LY75: variants seen among roughly 807,000 people sequenced by gnomAD.
The protein encoded by LY75 is C-type lectin domain family 13 member B.
Under a neutral mutation model 231.7 loss-of-function variants are expected in LY75, and 185 were observed. The ratio of observed to expected loss-of-function variants is 0.80; its 90% CI spans 0.71 to 0.90. The LOEUF is 0.90. LY75 is among the 40% of genes least tolerant of loss of function. The pLI, the probability that LY75 is intolerant of heterozygous loss-of-function variation, is 0.00. For missense variants in LY75, 1,947 were observed against 2,050.2 expected (o/e 0.95, Z 0.97); for synonymous variants, 668 against 689.0 (o/e 0.97, Z 0.48).
At chr2:159,855,570 C>T (rs768705547) in intron 16 of LY75, among the ~76,000 whole-genome samples, 7 of 152,120 alleles carry the variant, frequency 4.6e-5, no homozygotes, top group East Asian at 1.9e-4. Context: ...GGAAGCTGGG[C>T]GGGTCAGTGT....
intron 23 of LY75, among the ~76,000 whole-genome samples, chr2:159,842,743 C>T (rs1684077028): frequency 6.6e-6 from 1 of 152,004 alleles, no homozygotes; most frequent in Admixed American, 6.6e-5. Flanking sequence ...TACCACATAA[C>T]AGAATATACC....
Position 159,878,487 on chromosome 2 carries a change from C to T in LY75, c.1611G>A (p.Glu537=), listed in dbSNP as rs1288692184. The T allele has an allele frequency of 1.2e-6, 2 of 1,613,776 alleles. No individual in the cohort carries two copies. The highest frequency in any genetic ancestry group is 1.7e-6 in the Non-Finnish European group (2 of 1,179,892). The part of the protein sequence containing the change: ...NCNLTITSRF[E]QEYLNDLMKK... ...TCATCAAATCATTTAGGTATTCTTG[C>T]TCAAATCTACAAAAGGAGAATCAAA... is the stretch of plus-strand genomic sequence containing the variant. The change falls in exon 11 of 35, where the codon GAG becomes GAA. Residue 537 remains glutamate, a synonymous_variant. Coordinates refer to ENST00000263636, the MANE Select transcript of LY75 (RefSeq NM_002349.4).
rs182823517 is a variant in LY75 at position 159,841,747 on chromosome 2, T to C, written c.3280+498A>G. Among the ~76,000 whole-genome samples, 139 of 152,160 alleles carry C rather than the reference T, an allele frequency of 9.1e-4. 1 individual carries two copies. The highest frequency in any genetic ancestry group is 1.8e-3 in the Admixed American group (27 of 15,278). On this transcript the variant is annotated intron_variant, in intron 24 of 34. Coordinates refer to ENST00000263636, the MANE Select transcript of LY75 (RefSeq NM_002349.4). ...GTGGACTTAATACTCAATACTGCAC[T>C]CAATTAAAAATATGAAGTTTTTTTC...
chr2:159,870,674 CTTT>C (rs34789684), intron 13 of LY75, among the ~76,000 whole-genome samples: 10 of 141,592 alleles, frequency 7.1e-5, no homozygotes, highest in Non-Finnish European at 7.6e-5. Flanking sequence ...CCAGCTAATT[CTTT>C]TTTTTTTTTT....
Position 159,872,508 on chromosome 2 carries a change from C to A in LY75, c.2060G>T (p.Ser687Ile). The A allele has an allele frequency of 6.2e-7, 1 of 1,614,002 alleles. No individual in the cohort carries two copies. Among genetic ancestry groups the A allele is most frequent in the Non-Finnish European group, 8.5e-7 (1 of 1,179,938 alleles). The change falls in exon 13 of 35, where the codon AGC becomes ATC. Residue 687 changes from serine to isoleucine, a missense_variant. Transcript: ENST00000263636. Reference sequence around the variant, plus strand: ...CTTTATTTCATCCACATGGCTGAAGCTAGAAAGGTGTGCTCCAAGGGCTTG... The same window carrying A: ...CTTTATTTCATCCACATGGCTGAAGATAGAAAGGTGTGCTCCAAGGGCTTG... ...FCQALGAHLS[S>I]FSHVDEIKEF... is the part of the protein sequence containing the mutation.
chr2:159,849,338 G>A (rs1399231749), intron 23 of LY75, among the ~76,000 whole-genome samples: 3 of 152,110 alleles, frequency 2.0e-5, no homozygotes, highest in East Asian at 1.9e-4. Context: ...TAATACTGTG[G>A]TGTCAGCATA....
chr2:159,842,210 T>A, intron 24 of LY75, 35 bp downstream of exon 24: 2 of 1,593,022 alleles, frequency 1.3e-6, no homozygotes, highest in Non-Finnish European at 1.7e-6. Flanking sequence ...TGTAATAGCA[T>A]AAAGTACCAT....
At chr2:159,833,788 G>A (rs950665084) in intron 27 of LY75, among the ~76,000 whole-genome samples, 7 of 152,112 alleles carry the variant, frequency 4.6e-5, no homozygotes, top group Non-Finnish European at 8.8e-5. Flanking sequence ...TTGAGGGTGG[G>A]TTTTTCCCGT....
At chr2:159,840,542 A>C (rs925425770) in intron 25 of LY75, among the ~76,000 whole-genome samples, 187 bp downstream of exon 25, 2 of 152,210 alleles carry the variant, frequency 1.3e-5, no homozygotes, top group African/African-American at 2.4e-5. Context: ...ACTGTACTCC[A>C]GCCTGGGTGA....
chr2:159,875,312 G>A (rs925562068), intron 12 of LY75, 132 bp downstream of exon 12: 49 of 1,270,110 alleles, frequency 3.9e-5, no homozygotes, highest in Non-Finnish European at 4.9e-5. Flanking sequence ...GCCCTGCCAA[G>A]GACTCTGTGC....
At chr2:159,866,255 G>A (rs1365605032) in intron 13 of LY75, among the ~76,000 whole-genome samples, 1 of 151,952 alleles carries the variant, frequency 6.6e-6, no homozygotes, top group African/African-American at 2.4e-5. Flanking sequence ...GTGAATCAAA[G>A]GCTGAAACAA....
At chr2:159,859,021 G>A (rs1293899931) in intron 15 of LY75, among the ~76,000 whole-genome samples, 1 of 152,216 alleles carries the variant, frequency 6.6e-6, no homozygotes, top group Non-Finnish European at 1.5e-5. Flanking sequence ...TCTGTGGCAG[G>A]TGAGGTAAGA....
intron 14 of LY75, among the ~76,000 whole-genome samples, chr2:159,861,487 C>T (rs1684697215): frequency 6.6e-6 from 1 of 152,224 alleles, no homozygotes; most frequent in Admixed American, 6.5e-5. Context: ...GTGACTCATG[C>T]TGGTAATCCC....
chr2:159,877,009 C>CAAAAAAAAAAAAAAAAAAAA (rs58831835), intron 11 of LY75, among the ~76,000 whole-genome samples: 2 of 90,544 alleles, frequency 2.2e-5, no homozygotes, highest in Non-Finnish European at 4.1e-5. Flanking sequence ...AACTCCATCT[C>CAAAAAAAAAAAAAAAAAAAA]AAAAAAAAAA....
chr2:159,880,957 C>T (rs1196808304), intron 8 of LY75, 126 bp downstream of exon 8: 3 of 1,205,080 alleles, frequency 2.5e-6, no homozygotes, highest in Middle Eastern at 2.7e-4. Flanking sequence ...TGGCTCTGTA[C>T]CCTGATCCAG....
chr2:159,804,774 C>T lies in LY75; in HGVS notation c.*270G>A, dbSNP rs534240978. 14 of 209,444 alleles carry T rather than the reference C, an allele frequency of 6.7e-5. No individual in the cohort carries two copies. Among genetic ancestry groups the T allele is most frequent in the Admixed American group, 1.6e-4 (3 of 18,444 alleles). The allele number at this position is 209,444 out of a possible 1,614,324, so 13.0% of individuals were successfully genotyped here. A position where few individuals can be genotyped will look rare whatever the true frequency, so the allele number is the denominator to read the frequency against. On this transcript the variant is annotated 3_prime_UTR_variant, in exon 35 of 35. Transcript: ENST00000263636. The stretch of plus-strand genomic sequence containing the variant: ...ATCCTAGTTACCAATCACATTCATA[C>T]AGAGAAAATGAACATTAAACATATT...
rs1685035010 is a variant in LY75, at chr2:159,872,185, TA to T, written c.2117+265del. Reference sequence around the variant, plus strand: ...TGAATTCCCAAGGCCCTTCCTTGCCTATATTCTAGATTTTCTGCCATACATT... The same window carrying T: ...TGAATTCCCAAGGCCCTTCCTTGCCTTATTCTAGATTTTCTGCCATACATT... On this transcript the variant is annotated intron_variant, in intron 13 of 34. Coordinates refer to ENST00000263636, the MANE Select transcript of LY75 (RefSeq NM_002349.4). The T allele has an allele frequency of 1.3e-5, 4 of 298,230 alleles. No individual in the cohort carries two copies. In the South Asian group the frequency reaches 4.3e-4, roughly 32 times the overall value. 18.5% of individuals were successfully genotyped at this position (298,230 alleles called of 1,614,324 possible). A position where few individuals can be genotyped will look rare whatever the true frequency, so the allele number is the denominator to read the frequency against.
At chr2:159,842,489 G>A in intron 23 of LY75, 115 bp from the exon 24 acceptor site, 2 of 1,270,804 alleles carry the variant, frequency 1.6e-6, no homozygotes, top group South Asian at 2.0e-5. Flanking sequence ...ATTCCATGAA[G>A]GACCTGACCA....
chr2:159,840,011 A>AAAAAAAAAAG (rs1258423819), intron 25 of LY75, among the ~76,000 whole-genome samples: 10 of 150,064 alleles, frequency 6.7e-5, no homozygotes, highest in African/African-American at 2.2e-4. Flanking sequence ...GTCTCAAAAA[A>AAAAAAAAAAG]AAAAAAAAGA....
Sources: gnomAD v4.1 joint callset for allele counts (sites outside exome capture counted in the v4.1 genomes callset) on GRCh38, gnomAD v4.1.1 for gene constraint, MANE v1.5 for transcripts, NCBI Gene and HGNC (gene_info 2026-07-23, HGNC 2026-07-21) for gene names.